SHISA9: variants seen among roughly 807,000 people sequenced by gnomAD.
SHISA9 encodes protein shisa-9.
In SHISA9, 13 loss-of-function variants were observed where a neutral mutation model predicts 38.0. The ratio of observed to expected loss-of-function variants is 0.34; its 90% CI spans 0.22 to 0.54. The LOEUF (loss-of-function observed/expected upper bound fraction) is 0.54, where lower values mean the gene tolerates loss of function less well. SHISA9 is among the 20% of genes least tolerant of loss of function. The probability of loss-of-function intolerance (pLI) is 0.91; values close to 1 mark genes in which losing one functional copy is unlikely to be tolerated. For synonymous variants in SHISA9, 275 were observed against 242.0 expected, an observed-to-expected ratio of 1.14 and a Z score of -1.27; for missense variants, 538 against 575.8, an observed-to-expected ratio of 0.93 and a Z score of 0.67.
intron 2 of SHISA9, among the ~76,000 whole-genome samples, chr16:13,035,254 AG>A (rs1304697154): frequency 6.6e-6 from 1 of 152,224 alleles, no homozygotes; most frequent in East Asian, 1.9e-4. Flanking sequence ...ACATTTAGGT[AG>A]GTTGCACTAG....
chr16:13,137,511 A>C (rs2050360587), intron 2 of SHISA9, among the ~76,000 whole-genome samples: 1 of 151,308 alleles, frequency 6.6e-6, no homozygotes, highest in Non-Finnish European at 1.5e-5. Flanking sequence ...GCTGGAGTGC[A>C]GTGGTGAGAT....
At chr16:13,008,171 A>G (rs1724615527) in intron 2 of SHISA9, among the ~76,000 whole-genome samples, 1 of 152,184 alleles carries the variant, frequency 6.6e-6, no homozygotes, top group Non-Finnish European at 1.5e-5. Flanking sequence ...TGGTGGATTG[A>G]TAGCCTGGCA....
At chr16:12,934,272 G>C (rs2071499760) in intron 2 of SHISA9, among the ~76,000 whole-genome samples, 1 of 152,202 alleles carries the variant, frequency 6.6e-6, no homozygotes, top group Non-Finnish European at 1.5e-5. Flanking sequence ...CAGTATGTTA[G>C]GTGTTTTATA....
chr16:13,310,978 G>C, the SHISA9 span, among the ~76,000 whole-genome samples: 2 of 151,988 alleles, frequency 1.3e-5, no homozygotes, highest in Non-Finnish European at 2.9e-5. Context: ...CACCACACCC[G>C]GCCTGATTTT....
chr16:13,366,989 A>C, the SHISA9 span, among the ~76,000 whole-genome samples: 1 of 151,684 alleles, frequency 6.6e-6, no homozygotes, highest in Admixed American at 6.6e-5. Flanking sequence ...TCTCAAAAAA[A>C]AAAAAAAAAA....
the SHISA9 span, among the ~76,000 whole-genome samples, chr16:13,379,519 GGAGGAATTCAT>G: frequency 6.6e-6 from 1 of 152,186 alleles, no homozygotes; most frequent in Non-Finnish European, 1.5e-5. Flanking sequence ...AGGCACTGGA[GGAGGAATTCAT>G]CAGGGGCTGA....
the SHISA9 span, among the ~76,000 whole-genome samples, chr16:13,452,762 C>T: frequency 6.6e-6 from 1 of 151,844 alleles, no homozygotes; most frequent in Non-Finnish European, 1.5e-5. Context: ...TGTACTTACT[C>T]CACTGAGCTA....
the SHISA9 span, among the ~76,000 whole-genome samples, chr16:13,296,187 C>T: frequency 1.3e-5 from 2 of 151,350 alleles, no homozygotes; most frequent in African/African-American, 4.8e-5. Flanking sequence ...CTTCTTCTGT[C>T]ACTTTGAAAG....
chr16:12,908,336 G>C, intron 1 of SHISA9: 1 of 1,331,590 alleles, frequency 7.5e-7, no homozygotes, highest in Non-Finnish European at 1.0e-6. Context: ...AGAATAGGAG[G>C]GAGGGTCTAT....
the SHISA9 span, among the ~76,000 whole-genome samples, chr16:13,394,928 G>GGTGTGTGTGTGTGT: frequency 2.9e-5 from 4 of 139,506 alleles, no homozygotes; most frequent in East Asian, 4.2e-4. Flanking sequence ...CAGTATCTGG[G>GGTGTGTGTGTGTGT]GTGTGTGTGT....
the SHISA9 span, among the ~76,000 whole-genome samples, chr16:13,292,486 T>G: frequency 6.6e-6 from 1 of 152,248 alleles, no homozygotes; most frequent in Non-Finnish European, 1.5e-5. Flanking sequence ...TAGTGACAGA[T>G]TTTCTAAGCA....
At chr16:13,073,980 T>C (rs1183551854) in intron 2 of SHISA9, among the ~76,000 whole-genome samples, 1 of 150,156 alleles carries the variant, frequency 6.7e-6, no homozygotes, top group Non-Finnish European at 1.5e-5. Context: ...TTTTTTTTTT[T>C]TGTGGGGGGT....
the SHISA9 span, among the ~76,000 whole-genome samples, chr16:13,503,632 C>T: frequency 6.6e-6 from 1 of 150,752 alleles, no homozygotes; most frequent in Non-Finnish European, 1.5e-5. Context: ...TTTTGGGCTA[C>T]ATTGTACTGA....
intron 4 of SHISA9, among the ~76,000 whole-genome samples, chr16:13,233,356 A>G (rs62027601): frequency 1.2e-4 from 19 of 152,208 alleles, no homozygotes; most frequent in Non-Finnish European, 2.2e-4. Context: ...GAGAGAGTGT[A>G]GTTAAATTGA....
intron 2 of SHISA9, among the ~76,000 whole-genome samples, chr16:13,085,165 C>A (rs535885614): frequency 2.0e-5 from 3 of 152,284 alleles, no homozygotes; most frequent in African/African-American, 7.2e-5. Flanking sequence ...GGCAGCATTG[C>A]AGACTCAACT....
At chr16:13,484,163 G>GA in the SHISA9 span, among the ~76,000 whole-genome samples, 174 of 152,154 alleles carry the variant, frequency 1.1e-3, no homozygotes, top group South Asian at 3.9e-3. Context: ...GCGTGTGGAG[G>GA]AAAAAAACCC....
chr16:13,382,476 G>A, the SHISA9 span, among the ~76,000 whole-genome samples: 1 of 147,816 alleles, frequency 6.8e-6, no homozygotes, highest in Non-Finnish European at 1.5e-5. Context: ...GTTGCAGTGA[G>A]CCGAGATCGC....
At chr16:13,384,191 C>A in the SHISA9 span, among the ~76,000 whole-genome samples, 1 of 151,998 alleles carries the variant, frequency 6.6e-6, no homozygotes, top group Non-Finnish European at 1.5e-5. Context: ...TAATAAGTTT[C>A]GAAAAATTCA....
At chr16:13,390,538 C>T in the SHISA9 span, among the ~76,000 whole-genome samples, 18 of 152,120 alleles carry the variant, frequency 1.2e-4, no homozygotes, top group African/African-American at 4.3e-4. Flanking sequence ...TCTGCTGCTG[C>T]CCTTTTCTGA....
Sources: allele counts gnomAD v4.1 joint callset (sites outside exome capture counted in the v4.1 genomes callset), GRCh38; gene constraint gnomAD v4.1.1; transcripts MANE v1.5; gene names NCBI Gene and HGNC (gene_info 2026-07-23, HGNC 2026-07-21).